The following TMEM163 variants were observed in gnomAD, a reference collection of about 807,000 sequenced individuals.
TMEM163 encodes the protein transmembrane protein 163.
In TMEM163, 17 loss-of-function variants were observed where a neutral mutation model predicts 29.3. That is an observed-to-expected ratio of 0.58 (90% CI 0.40 to 0.87). TMEM163 has a LOEUF of 0.87. Ranked by LOEUF, TMEM163 falls within the 40% of genes least tolerant of loss-of-function variation. The pLI is 0.00. For synonymous variants in TMEM163, 157 were observed against 160.6 expected (o/e 0.98, Z 0.17); for missense variants, 303 against 381.5 (o/e 0.79, Z 1.71).
intron 5 of TMEM163, among the ~76,000 whole-genome samples, chr2:134,484,221 C>T (rs1272115216): frequency 2.0e-5 from 3 of 151,604 alleles, no homozygotes; most frequent in East Asian, 1.9e-4. Flanking sequence ...TAGCACAACG[C>T]GTGGAGGAAA....
intron 2 of TMEM163, among the ~76,000 whole-genome samples, chr2:134,596,160 TG>T (rs1214961958): frequency 1.3e-5 from 2 of 152,228 alleles, no homozygotes; most frequent in Non-Finnish European, 2.9e-5. Context: ...CCATTGCTTT[TG>T]GTGTTTTAGA....
At chr2:134,589,596 AGG>A (rs1251692522) in intron 2 of TMEM163, among the ~76,000 whole-genome samples, 1 of 152,186 alleles carries the variant, frequency 6.6e-6, no homozygotes, top group East Asian at 1.9e-4. Context: ...GTCTAAAAAG[AGG>A]AGGAACCCTC....
Position 134,460,535 on chromosome 2 carries a change from G to T in TMEM163, c.668-2362C>A, listed in dbSNP as rs897329932. On this transcript the variant is annotated intron_variant, in intron 6 of 7. Coordinates refer to ENST00000281924, the MANE Select transcript of TMEM163 (RefSeq NM_030923.5). The surrounding 1 kb of genome is among the most constrained non-coding windows in gnomAD (Gnocchi z 4.3). ...CCTGGCATTCATCAGGGGTGCAAAT[G>T]ACCGCTGCATTAACAAGTGACCACA... Among the ~76,000 whole-genome samples the T allele has an allele frequency of 2.0e-5, 3 of 152,128 alleles. No homozygotes were observed. The highest frequency in any genetic ancestry group is 4.4e-5 in the Non-Finnish European group (3 of 68,026).
chr2:134,581,563 C>T (rs2104794735), intron 2 of TMEM163, among the ~76,000 whole-genome samples: 1 of 152,314 alleles, frequency 6.6e-6, no homozygotes, highest in Admixed American at 6.5e-5. Context: ...CACTGCCCTT[C>T]CCCCAAACAA....
chr2:134,611,937 C>T (rs1239627984), intron 2 of TMEM163, among the ~76,000 whole-genome samples: 2 of 152,178 alleles, frequency 1.3e-5, no homozygotes. Flanking sequence ...CAGGAGTTTG[C>T]GTGAAAACAC....
rs565495218 is a variant in TMEM163 at position 134,668,549 on chromosome 2, C to T, written c.322+44651G>A. Among the ~76,000 whole-genome samples, 200 of 150,898 alleles carry T rather than the reference C, an allele frequency of 1.3e-3. 2 individuals are homozygous for T. Among genetic ancestry groups the T allele is most frequent in the Middle Eastern group, 0.01 (3 of 288 alleles). On this transcript the variant is annotated intron_variant, in intron 2 of 7. Transcript: ENST00000281924. ...AGATTGTAAAAAAATGGGTTTTCTG[C>T]AGGAGGCAGAGGTTGCAGTGAGCTG...
At chr2:134,617,964 A>T (rs1682645640) in intron 2 of TMEM163, among the ~76,000 whole-genome samples, 1 of 151,996 alleles carries the variant, frequency 6.6e-6, no homozygotes, top group Admixed American at 6.6e-5. Context: ...ATTTTTTTTC[A>T]TTAGCCAGGC....
intron 5 of TMEM163, among the ~76,000 whole-genome samples, chr2:134,472,759 C>T (rs765681146): frequency 1.6e-4 from 24 of 152,322 alleles, no homozygotes; most frequent in Non-Finnish European, 2.4e-4. Flanking sequence ...CTGACATTTA[C>T]GGAACATCTA....
At chr2:134,693,377 C>A (rs143192081) in intron 2 of TMEM163, among the ~76,000 whole-genome samples, 1 of 152,066 alleles carries the variant, frequency 6.6e-6, no homozygotes, top group Non-Finnish European at 1.5e-5. Context: ...CAGGCCAAGG[C>A]GGGTGGATCA....
intron 2 of TMEM163, among the ~76,000 whole-genome samples, chr2:134,669,892 G>C (rs958249329): frequency 2.6e-5 from 4 of 152,126 alleles, no homozygotes; most frequent in Non-Finnish European, 5.9e-5. Context: ...GCCCCCGGTT[G>C]TTCAAGGGTT....
chr2:134,708,398 A>G (rs1573554074), intron 2 of TMEM163, among the ~76,000 whole-genome samples: 1 of 152,176 alleles, frequency 6.6e-6, no homozygotes, highest in Non-Finnish European at 1.5e-5. Flanking sequence ...ATAATTTAGA[A>G]AGAAAAAGAA....
At position 134,706,176 on chromosome 2, in the gene TMEM163, C is replaced by T. The variant is rs181598330; in HGVS notation, c.322+7024G>A. 2.6e-3 allele frequency among the ~76,000 whole-genome samples: 389 copies of T among 152,266 alleles called. 3 individuals carry two copies. Among genetic ancestry groups the T allele is most frequent in the Middle Eastern group, 0.017 (5 of 294 alleles). On this transcript the variant is annotated intron_variant, in intron 2 of 7. Transcript: ENST00000281924. ...GTCCCTGTCAATAGAAGCCTGGATG[C>T]TTCAATCGGGGGTTAGGGGGATGCT...
chr2:134,531,484 C>G (rs1410112733), intron 4 of TMEM163, among the ~76,000 whole-genome samples: 2 of 152,214 alleles, frequency 1.3e-5, no homozygotes, highest in African/African-American at 4.8e-5. Flanking sequence ...AAGGCCAGCT[C>G]CAAGCCCCAG....
intron 1 of TMEM163, among the ~76,000 whole-genome samples, chr2:134,718,387 G>A (rs1685083719): frequency 6.6e-6 from 1 of 152,236 alleles, no homozygotes; most frequent in African/African-American, 2.4e-5. Context: ...GGCCCGGAGT[G>A]GCCCAGAAGC....
intron 2 of TMEM163, among the ~76,000 whole-genome samples, chr2:134,683,558 C>A (rs1684292424): frequency 6.6e-6 from 1 of 152,048 alleles, no homozygotes; most frequent in South Asian, 2.1e-4. Context: ...AATAACTTGA[C>A]ACTATTACCT....
chr2:134,527,844 C>T (rs919774184), intron 4 of TMEM163, among the ~76,000 whole-genome samples: 1 of 152,114 alleles, frequency 6.6e-6, no homozygotes, highest in Non-Finnish European at 1.5e-5. Flanking sequence ...AAAAGAGTAG[C>T]GCCAACATGT....
At chr2:134,589,814 C>T (rs753061265) in intron 2 of TMEM163, among the ~76,000 whole-genome samples, 6 of 152,168 alleles carry the variant, frequency 3.9e-5, no homozygotes, top group African/African-American at 7.2e-5. Context: ...TTTTCTTGCA[C>T]GAGATCCAAG....
At chr2:134,562,915 A>G (rs1681214011) in intron 2 of TMEM163, among the ~76,000 whole-genome samples, 1 of 152,256 alleles carries the variant, frequency 6.6e-6, no homozygotes, top group South Asian at 2.1e-4. Flanking sequence ...ATTAAAATTT[A>G]GACCATGCTA....
chr2:134,457,168 A>G (rs759279281), intron 7 of TMEM163, among the ~76,000 whole-genome samples: 14 of 151,680 alleles, frequency 9.2e-5, no homozygotes, highest in Non-Finnish European at 1.6e-4. Context: ...GCACAGATCT[A>G]CCACATTTAT....
Sources: gnomAD v4.1 joint callset for allele counts (sites outside exome capture counted in the v4.1 genomes callset) on GRCh38, gnomAD v4.1.1 for gene constraint, Gnocchi (gnomAD v3.1) non-coding constraint, MANE v1.5 for transcripts, NCBI Gene and HGNC (gene_info 2026-07-23, HGNC 2026-07-21) for gene names.